The following LIMCH1 variants were observed in gnomAD, a reference collection of about 807,000 sequenced individuals.
LIMCH1 encodes LIM and calponin homology domains 1, also known as LIM and calponin homology domains-containing protein 1.
In LIMCH1, 113 loss-of-function variants were observed where a neutral mutation model predicts 176.5. The observed-to-expected ratio is 0.64, with a 90% CI of 0.55 to 0.75. The LOEUF is 0.75. Among genes scored for constraint, LIMCH1 ranks in the 30% least tolerant of loss-of-function variants. The probability of loss-of-function intolerance (pLI) is 0.00; values close to 1 mark genes in which losing one functional copy is unlikely to be tolerated. For missense variants in LIMCH1, 1,674 were observed against 1,814.9 expected (o/e 0.92, Z 1.41); for synonymous variants, 619 against 645.9 (o/e 0.96, Z 0.63).
At chr4:41,606,732 G>C (rs536241912) in intron 4 of LIMCH1, among the ~76,000 whole-genome samples, 1 of 152,276 alleles carries the variant, frequency 6.6e-6, no homozygotes, top group East Asian at 1.9e-4. Flanking sequence ...TTACCCAGGA[G>C]AGGCCCTCCC....
intron 2 of LIMCH1, among the ~76,000 whole-genome samples, chr4:41,600,667 G>A (rs1420387849): frequency 6.6e-6 from 1 of 152,120 alleles, no homozygotes; most frequent in East Asian, 1.9e-4. Context: ...TGAAGCCCTG[G>A]TTAAGCTCCC....
chr4:41,646,056 C>A (rs1482897344), intron 15 of LIMCH1, 67 bp from the exon 16 acceptor site: 1 of 1,498,114 alleles, frequency 6.7e-7, no homozygotes, highest in Non-Finnish European at 9.0e-7. Context: ...TGACTAAACT[C>A]TGAAGAATAG....
rs201953595 is a variant in LIMCH1, at chr4:41,687,894, C to A, written c.4143C>A (p.Thr1381=). The A allele has an allele frequency of 2.2e-5, 35 of 1,613,522 alleles. No individual in the cohort carries two copies. The highest frequency in any genetic ancestry group is 2.8e-5 in the Non-Finnish European group (33 of 1,179,650). Residue 1381 remains threonine, a synonymous_variant, in exon 29 of 32, where the codon ACC becomes ACA. Transcript: ENST00000503057. The part of the protein sequence containing the change: ...QAGPFSPCSP[T]PPGQSPNRSI... ...GGCCTTTCTCTCCCTGTTCTCCCAC[C>A]CCTCCCGGTCAGTCACCAAACAGGT...
At chr4:41,360,543 C>G (rs2051829713), upstream of LIMCH1, 1 of 194,924 alleles carries the variant, frequency 5.1e-6, no homozygotes, top group Non-Finnish European at 1.0e-5. This position sits in a 1 kb window ranked among gnomAD's most constrained non-coding sequence, Gnocchi z 4.5. Flanking sequence ...CGTAGCTGTG[C>G]TCCCCCTCCC....
intron 1 of LIMCH1, among the ~76,000 whole-genome samples, chr4:41,379,067 A>G (rs950245306): frequency 2.0e-5 from 3 of 152,240 alleles, no homozygotes; most frequent in Non-Finnish European, 2.9e-5. Context: ...TTAGCCCAAA[A>G]CACAGTAGCT....
At chr4:41,469,589 A>G (rs2066641728) in intron 1 of LIMCH1, among the ~76,000 whole-genome samples, 1 of 152,170 alleles carries the variant, frequency 6.6e-6, no homozygotes, top group Admixed American at 6.5e-5. Flanking sequence ...TTATTTATTT[A>G]TTTGAATCCC....
At chr4:41,402,261 C>A (rs995668183) in intron 1 of LIMCH1, among the ~76,000 whole-genome samples, 28 of 151,994 alleles carry the variant, frequency 1.8e-4, no homozygotes, top group African/African-American at 6.8e-4. Flanking sequence ...AAATGCAAAT[C>A]AAAACCACAA....
Position 41,644,433 on chromosome 4 carries a change from C to T in LIMCH1, c.2127-67C>T, listed in dbSNP as rs559390555. 1.8e-5 allele frequency: 26 copies of T among 1,417,070 alleles called. No homozygotes were observed. The East Asian group carries it at 6.3e-4, about 34-fold the overall frequency. The allele number at this position is 1,417,070 out of a possible 1,614,324, so 87.8% of individuals were successfully genotyped here. ...GTAGCGCCCCCACGCGGCAGGACGC[C>T]CAGGCGCGCGGAGACGCGACGGGCG... On this transcript the variant is annotated intron_variant, in intron 14 of 31. Transcript: ENST00000503057.
intron 3 of LIMCH1, among the ~76,000 whole-genome samples, chr4:41,525,233 C>T (rs1235362287): frequency 2.0e-5 from 3 of 152,070 alleles, no homozygotes; most frequent in Non-Finnish European, 1.5e-5. Context: ...TGTGTGTGTG[C>T]GTGCACACGC....
At chr4:41,612,251 A>G (rs1475130446) in intron 4 of LIMCH1, 2 of 341,384 alleles carry the variant, frequency 5.9e-6, no homozygotes. Flanking sequence ...AGAAGCAGCC[A>G]GCAAAGGCAC....
chr4:41,547,779 T>C (rs1276062448), intron 1 of LIMCH1, among the ~76,000 whole-genome samples: 1 of 143,200 alleles, frequency 7.0e-6, no homozygotes, highest in East Asian at 2.0e-4. Context: ...AACATACATA[T>C]AATATACATA....
intron 29 of LIMCH1, among the ~76,000 whole-genome samples, chr4:41,689,085 TTAATAAG>T (rs1254569716): frequency 6.6e-6 from 1 of 152,190 alleles, no homozygotes; most frequent in Admixed American, 6.6e-5. Context: ...TGTTGTTTTC[TTAATAAG>T]TAAAAAGAAA....
chr4:41,379,661 A>G (rs1430809490), intron 1 of LIMCH1, among the ~76,000 whole-genome samples: 2 of 152,230 alleles, frequency 1.3e-5, no homozygotes, highest in East Asian at 1.9e-4. Context: ...CATGTTTTAT[A>G]TATAAGGGAT....
chr4:41,390,196 C>T (rs902286889), intron 1 of LIMCH1, among the ~76,000 whole-genome samples: 1 of 151,440 alleles, frequency 6.6e-6, no homozygotes, highest in Admixed American at 6.6e-5. Context: ...GCTTGGGTGA[C>T]CCTGTGTGGT....
intron 2 of LIMCH1, among the ~76,000 whole-genome samples, chr4:41,521,881 G>A (rs2152404559): frequency 6.6e-6 from 1 of 152,092 alleles, no homozygotes; most frequent in South Asian, 2.1e-4. Flanking sequence ...TGCCATATAA[G>A]TGTAATTTTT....
intron 5 of LIMCH1, among the ~76,000 whole-genome samples, chr4:41,616,516 C>T (rs139184191): frequency 0.018 from 2,682 of 149,288 alleles, 62 homozygotes; most frequent in African/African-American, 0.058. Flanking sequence ...ACAACAAGAG[C>T]GAAACTCCAT....
chr4:41,472,446 G>T (rs184021010), intron 1 of LIMCH1, among the ~76,000 whole-genome samples: 21 of 150,728 alleles, frequency 1.4e-4, no homozygotes, highest in Middle Eastern at 3.4e-3. Flanking sequence ...TTCTGACAGG[G>T]TCTCACTCTG....
Position 41,646,789 on chromosome 4 carries a change from A to C in LIMCH1, c.2716A>C (p.Ser906Arg). ...SVLDTSMSAG[S>R]GSPSKTVTPK... Reference sequence around the variant, plus strand: ...TCTGGATACCAGCATGTCAGCAGGCAGTGGGTCTCCAAGCAAAACTGTCAC... The same window carrying C: ...TCTGGATACCAGCATGTCAGCAGGCCGTGGGTCTCCAAGCAAAACTGTCAC... Residue 906 changes from serine (S) to arginine (R), a missense_variant, in exon 17 of 32, where the codon AGT (serine) becomes CGT (arginine). Physicochemically the swap from Ser to Arg is moderately radical, Grantham distance 110. Around this residue, in one of 3 missense-constraint regions of LIMCH1, gnomAD observed 1,015 missense variants for 1,102.5 expected, o/e 0.92. Transcript: ENST00000503057. 1 of 1,614,204 alleles carries C rather than the reference A, an allele frequency of 6.2e-7. No homozygotes were observed. Among genetic ancestry groups the C allele is most frequent in the Non-Finnish European group, 8.5e-7 (1 of 1,180,020 alleles).
At chr4:41,387,368 A>C (rs1204580701) in intron 1 of LIMCH1, among the ~76,000 whole-genome samples, 1 of 152,240 alleles carries the variant, frequency 6.6e-6, no homozygotes, top group Non-Finnish European at 1.5e-5. Context: ...GTACATTATA[A>C]ATACATTTAT....
Sources: allele counts gnomAD v4.1 joint callset (sites outside exome capture counted in the v4.1 genomes callset), GRCh38; gene constraint gnomAD v4.1.1; regional missense constraint gnomAD v4.1.1; non-coding constraint Gnocchi (gnomAD v3.1); transcripts MANE v1.5; gene names NCBI Gene and HGNC (gene_info 2026-07-23, HGNC 2026-07-21).